SNX25: variants seen among roughly 807,000 people sequenced by gnomAD.
The protein encoded by SNX25 is sorting nexin 25.
SNX25 carries 62 observed loss-of-function variants against 113.7 expected under a neutral mutation model. That is an observed-to-expected ratio of 0.55 (90% confidence interval 0.44 to 0.67). SNX25 has a LOEUF of 0.67. Among genes scored for constraint, SNX25 ranks in the 30% least tolerant of loss-of-function variants. The pLI is 0.00. For synonymous variants in SNX25, 421 were observed against 436.2 expected (o/e 0.97, Z 0.43); for missense variants, 1,014 against 1,161.0 (o/e 0.87, Z 1.84).
intron 5 of SNX25, among the ~76,000 whole-genome samples, chr4:185,281,627 A>AAAAGCATC (rs1750574332): frequency 6.6e-6 from 1 of 152,194 alleles, no homozygotes; most frequent in African/African-American, 2.4e-5. Context: ...TTAGCTGGCT[A>AAAAGCATC]AAAGCATCAT....
chr4:185,372,828 G>A (rs371339382), downstream of SNX25: 2 of 1,507,018 alleles, frequency 1.3e-6, no homozygotes, highest in Non-Finnish European at 1.8e-6. Context: ...TTCTGTTACA[G>A]CAGCACAGAA....
chr4:185,279,586 C>G (rs548439735), intron 5 of SNX25, among the ~76,000 whole-genome samples: 103 of 152,250 alleles, frequency 6.8e-4, no homozygotes, highest in Non-Finnish European at 6.0e-4. Context: ...AGCGCAAAAC[C>G]TTGTACTTAT....
At chr4:185,348,345 G>A (rs2095298326) in intron 13 of SNX25, among the ~76,000 whole-genome samples, 1 of 151,856 alleles carries the variant, frequency 6.6e-6, no homozygotes, top group Non-Finnish European at 1.5e-5. Flanking sequence ...CATTGCACTT[G>A]TACATATTTA....
At chr4:185,315,528 A>T (rs1442012582) in intron 7 of SNX25, among the ~76,000 whole-genome samples, 2 of 152,096 alleles carry the variant, frequency 1.3e-5, no homozygotes, top group Non-Finnish European at 1.5e-5. Context: ...TGCTAAGTTC[A>T]GGTGATCCGC....
rs1751586592 is a variant in SNX25 at position 185,288,022 on chromosome 4, G to A, written c.1102G>A (p.Val368Ile). 2.5e-6 allele frequency: 4 copies of A among 1,611,612 alleles called. No individual in the cohort carries two copies. The highest frequency in any genetic ancestry group is 1.3e-5 in the African/African-American group (1 of 74,786). ...EFLKQLRYQIVVEIIQATTIS... is the reference protein window; with the variant it reads ...EFLKQLRYQIIVEIIQATTIS... ...CTTTTTAAAAATCAGGTATCAAATT[G>A]TAGTGGAAATAATCCAGGCGACTAC... The change falls in exon 6 of 19, where the codon GTA (valine) becomes ATA (isoleucine). Residue 368 changes from valine (V) to isoleucine (I), a missense_variant. By Grantham distance (29) the Val-to-Ile change is conservative. Transcript: ENST00000652585.
At chr4:185,261,990 G>A (rs1372040369) in intron 3 of SNX25, among the ~76,000 whole-genome samples, 2 of 152,170 alleles carry the variant, frequency 1.3e-5, no homozygotes, top group Non-Finnish European at 2.9e-5. Context: ...GGCAGACAGT[G>A]AGTCCAGGTT....
At chr4:185,309,643 G>T (rs1171679974) in intron 6 of SNX25, among the ~76,000 whole-genome samples, 10 of 152,098 alleles carry the variant, frequency 6.6e-5, no homozygotes. Context: ...GCCAGTCACT[G>T]GGTCCAGACA....
chr4:185,239,406 C>T (rs1389492958), intron 1 of SNX25, among the ~76,000 whole-genome samples: 1 of 152,164 alleles, frequency 6.6e-6, no homozygotes, highest in African/African-American at 2.4e-5. Flanking sequence ...TGGCTTGAAC[C>T]CAGGACGCGG....
At chr4:185,256,729 G>T (rs1361235658) in intron 2 of SNX25, among the ~76,000 whole-genome samples, 1 of 148,096 alleles carries the variant, frequency 6.8e-6, no homozygotes, top group Non-Finnish European at 1.5e-5. Flanking sequence ...AGGCTCAAAT[G>T]ATCCTCCCAC....
chr4:185,362,582 C>A, intron 17 of SNX25, 29 bp from the exon 18 acceptor site: 1 of 1,594,372 alleles, frequency 6.3e-7, no homozygotes, highest in Non-Finnish European at 8.6e-7. Flanking sequence ...TTATCAATAG[C>A]AGCATAGAAT....
At chr4:185,335,316 T>TCACACACACA (rs3047486) in intron 10 of SNX25, among the ~76,000 whole-genome samples, 20 of 140,894 alleles carry the variant, frequency 1.4e-4, no homozygotes, top group African/African-American at 3.4e-4. Flanking sequence ...TGAAAAAGTC[T>TCACACACACA]CACACACACA....
chr4:185,351,166 C>T (rs574898059), intron 13 of SNX25, among the ~76,000 whole-genome samples: 1 of 152,336 alleles, frequency 6.6e-6, no homozygotes, highest in Admixed American at 6.5e-5. Flanking sequence ...TTGCACCAAG[C>T]AGTGCAAAGC....
At position 185,326,318 on chromosome 4, in the gene SNX25, C is replaced by T. The variant is rs1162732740; in HGVS notation, c.1749+2518C>T. Among the ~76,000 whole-genome samples, 5 of 152,274 alleles carry T rather than the reference C, an allele frequency of 3.3e-5. No homozygotes were observed. In the South Asian group the frequency reaches 6.2e-4, roughly 19 times the overall value. On this transcript the variant is annotated intron_variant, in intron 9 of 18. Transcript: ENST00000652585. ...ATGAACATTTTAGCTATTCAAGAGT[C>T]CTGAACATGTTTCCTCTATTCTGAT...
intron 1 of SNX25, among the ~76,000 whole-genome samples, chr4:185,227,047 C>G (rs562588151): frequency 6.6e-6 from 1 of 152,334 alleles, no homozygotes; most frequent in East Asian, 1.9e-4. Flanking sequence ...AGCTTGCGGG[C>G]TGTTGACCAG....
At chr4:185,331,288 C>T (rs534287296) in intron 9 of SNX25, among the ~76,000 whole-genome samples, 13 of 152,248 alleles carry the variant, frequency 8.5e-5, no homozygotes, top group East Asian at 3.9e-4. Flanking sequence ...ATTAGGAATG[C>T]GCCTCATAAA....
Position 185,342,005 on chromosome 4 carries a change from A to G in SNX25, c.2076A>G (p.Pro692=), listed in dbSNP as rs139637032. Residue 692 remains proline (P), a synonymous_variant, in exon 12 of 19, where the codon CCA becomes CCG. Coordinates refer to ENST00000652585, the MANE Select transcript of SNX25 (RefSeq NM_001378034.2). The part of the protein sequence containing the change: ...EVTEENGEQL[P]CYFVMVSLQE... ...CAGAAGAGAATGGTGAGCAATTGCC[A>G]TGTTACTTTGTCATGGTAAGCCTAC... 6.2e-7 allele frequency: 1 copy of G among 1,608,628 alleles called. No individual in the cohort carries two copies. The highest frequency in any genetic ancestry group is 1.3e-5 in the African/African-American group (1 of 74,586).
Position 185,337,484 on chromosome 4 carries a change from C to T in SNX25, c.1915-1895C>T, listed in dbSNP as rs190748191. On this transcript the variant is annotated intron_variant, in intron 10 of 18. Transcript: ENST00000652585. ...TTTATACCACATTTTGTTTTGCTAA[C>T]TATTTATCCAGCAATAGACACTTGA... Among the ~76,000 whole-genome samples the T allele has an allele frequency of 4.0e-4, 61 of 152,234 alleles. No individual in the cohort carries two copies. In the East Asian group the frequency reaches 0.012, roughly 29 times the overall value.
intron 6 of SNX25, among the ~76,000 whole-genome samples, chr4:185,292,851 G>T: frequency 6.6e-6 from 1 of 152,178 alleles, no homozygotes; most frequent in East Asian, 1.9e-4. Flanking sequence ...GGAGGTCAAG[G>T]CTGCAATGAG....
At chr4:185,356,272 A>G (rs1218078032) in intron 15 of SNX25, among the ~76,000 whole-genome samples, 2 of 152,148 alleles carry the variant, frequency 1.3e-5, no homozygotes, top group Non-Finnish European at 2.9e-5. Context: ...GCTCTAGTTT[A>G]CAAAAAGGGA....
Sources: gnomAD v4.1 joint callset for allele counts (sites outside exome capture counted in the v4.1 genomes callset) on GRCh38, gnomAD v4.1.1 for gene constraint, MANE v1.5 for transcripts, NCBI Gene and HGNC (gene_info 2026-07-23, HGNC 2026-07-21) for gene names.